The following ANKRD13A variants were observed in gnomAD, a reference collection of about 807,000 sequenced individuals.
ANKRD13A encodes ankyrin repeat domain 13A, also known as ankyrin repeat domain-containing protein 13A.
A neutral mutation model predicts 81.3 loss-of-function variants in ANKRD13A; 48 were observed. That is an observed-to-expected ratio of 0.59 (90% CI 0.47 to 0.75). ANKRD13A has a LOEUF of 0.75. Among genes scored for constraint, ANKRD13A ranks in the 30% least tolerant of loss-of-function variants. The pLI is 0.00. For missense variants in ANKRD13A, 612 were observed against 734.0 expected (o/e 0.83, Z 1.92); for synonymous variants, 230 against 270.1 (o/e 0.85, Z 1.45).
rs565125136 is a variant in ANKRD13A at position 110,026,265 on chromosome 12, C to T, written c.883+442C>T. Among the ~76,000 whole-genome samples, 4 of 151,334 alleles carry T rather than the reference C, an allele frequency of 2.6e-5. No individual in the cohort carries two copies. The East Asian group carries it at 8.1e-4, about 31-fold the overall frequency. On this transcript the variant is annotated intron_variant, in intron 8 of 14. Transcript: ENST00000261739. ...CAGGCGTGAGCCACCGTGCCTGGCC[C>T]CTAACTTCTTTTTTATAAAAATTTC...
intron 13 of ANKRD13A, among the ~76,000 whole-genome samples, chr12:110,034,190 T>G (rs116732860): frequency 0.017 from 2,615 of 152,338 alleles, 76 homozygotes; most frequent in African/African-American, 0.059. Context: ...AGGCAGACTT[T>G]CCTTTTCCTC....
chr12:110,026,457 A>G (rs1480008406), intron 8 of ANKRD13A, among the ~76,000 whole-genome samples: 1 of 151,710 alleles, frequency 6.6e-6, no homozygotes, highest in Non-Finnish European at 1.5e-5. Flanking sequence ...CATGGCTGTA[A>G]TCCCAGCTAC....
intron 1 of ANKRD13A, among the ~76,000 whole-genome samples, chr12:110,000,027 C>T (rs1206019658): frequency 6.6e-6 from 1 of 152,168 alleles, no homozygotes; most frequent in Non-Finnish European, 1.5e-5. Context: ...GTTACTTTTC[C>T]ACTGGACAGA....
intron 1 of ANKRD13A, among the ~76,000 whole-genome samples, chr12:110,009,794 G>A (rs2137095768): frequency 6.6e-6 from 1 of 152,308 alleles, no homozygotes; most frequent in South Asian, 2.1e-4. Context: ...ACATCGTAAT[G>A]TATTTGGCTT....
In ANKRD13A at chr12:110,028,522, C is replaced by T. The variant is rs756289642; in HGVS notation, c.956C>T (p.Thr319Met). The T allele has an allele frequency of 1.7e-5, 27 of 1,613,936 alleles. No homozygotes were observed. Among genetic ancestry groups the T allele is most frequent in the Middle Eastern group, 1.6e-4 (1 of 6,078 alleles). The change falls in exon 10 of 15, where the codon ACG becomes ATG. Residue 319 changes from threonine to methionine, a missense_variant. Physicochemically the swap from Thr to Met is moderately conservative, Grantham distance 81. Transcript: ENST00000261739. Reference sequence around the variant, plus strand: ...GTTCTGGCTCAGCAGGACCTCACCACGGAATGTGCTACTGCAAACAACCCC... The same window carrying T: ...GTTCTGGCTCAGCAGGACCTCACCATGGAATGTGCTACTGCAAACAACCCC... ...HQFGAQGDLT[T>M]ECATANNPTA...
At chr12:110,006,447 G>T (rs746017735) in intron 1 of ANKRD13A, among the ~76,000 whole-genome samples, 5 of 152,140 alleles carry the variant, frequency 3.3e-5, no homozygotes, top group Admixed American at 6.5e-5. Context: ...GGCAATTTGT[G>T]TATCTTCCTT....
chr12:110,018,028 TG>T lies in ANKRD13A; in HGVS notation c.401-316del, dbSNP rs2137122924. On this transcript the variant is annotated intron_variant, in intron 4 of 14. Transcript: ENST00000261739. This position sits in a 1 kb window ranked among gnomAD's most constrained non-coding sequence, Gnocchi z 4.4. ...ACAGCCATATGGCAAGAGTTGCATA[TG>T]TGAGTGAGGAAGGCCAGATGTACAG... Among the ~76,000 whole-genome samples the T allele has an allele frequency of 6.6e-6, 1 of 152,206 alleles. No individual in the cohort carries two copies. Among genetic ancestry groups the T allele is most frequent in the African/African-American group, 2.4e-5 (1 of 41,540 alleles).
intron 6 of ANKRD13A, 29 bp from the exon 7 acceptor site, chr12:110,024,017 A>G (rs1323852297): frequency 6.2e-7 from 1 of 1,604,490 alleles, no homozygotes; most frequent in South Asian, 1.1e-5. Flanking sequence ...TTGTACATGT[A>G]GAAATTTGTG....
intron 11 of ANKRD13A, among the ~76,000 whole-genome samples, chr12:110,030,025 T>TA (rs1444806246): frequency 6.6e-6 from 1 of 152,210 alleles, no homozygotes; most frequent in Non-Finnish European, 1.5e-5. Context: ...CGTCCCAAGC[T>TA]AGTATGCATA....
At position 110,034,083 on chromosome 12, in the gene ANKRD13A, A is replaced by G; in HGVS notation, c.1509+126A>G. 3.8e-6 allele frequency: 4 copies of G among 1,044,918 alleles called. No homozygotes were observed. In the South Asian group the frequency reaches 8.3e-5, roughly 22 times the overall value. 64.7% of individuals were successfully genotyped at this position (1,044,918 alleles called of 1,614,324 possible). ...AGTTTGACACATTCATGGTATTTGC[A>G]TAGGTTATACTTTGTGCATCTGGTC... On this transcript the variant is annotated intron_variant, in intron 13 of 14. Coordinates refer to ENST00000261739, the MANE Select transcript of ANKRD13A (RefSeq NM_033121.2).
At chr12:110,029,276 G>T in intron 10 of ANKRD13A, 1 of 469,790 alleles carries the variant, frequency 2.1e-6, no homozygotes, top group Non-Finnish European at 3.8e-6. Context: ...TGTCATGCAG[G>T]TCGCTTGCCT....
In ANKRD13A at chr12:110,027,864, A is replaced by AG. The variant is rs770081408; in HGVS notation, c.945+98_945+99insG. On this transcript the variant is annotated intron_variant, in intron 9 of 14. Coordinates refer to ENST00000261739, the MANE Select transcript of ANKRD13A (RefSeq NM_033121.2). ...TACTGGATCCTGAACAGCCCACTCT[A>AG]TGTAAAGGCCAAAGATACCCCCAAG... The AG allele has an allele frequency of 4.6e-5, 54 of 1,184,450 alleles. 1 individual carries two copies. Among genetic ancestry groups the AG allele is most frequent in the East Asian group, 3.0e-4 (13 of 42,646 alleles). The allele number at this position is 1,184,450 out of a possible 1,614,324, so 73.4% of individuals were successfully genotyped here. A position where few individuals can be genotyped will look rare whatever the true frequency, so the allele number is the denominator to read the frequency against.
At chr12:110,022,715 A>C (rs973328420) in intron 6 of ANKRD13A, among the ~76,000 whole-genome samples, 1 of 152,166 alleles carries the variant, frequency 6.6e-6, no homozygotes, top group Non-Finnish European at 1.5e-5. Flanking sequence ...GAAAAAGGCT[A>C]TCTCGATTTT....
chr12:110,014,228 C>T (rs544675044), intron 3 of ANKRD13A, among the ~76,000 whole-genome samples: 51 of 152,034 alleles, frequency 3.4e-4, no homozygotes, highest in Non-Finnish European at 7.1e-4. Flanking sequence ...CTGACTAACA[C>T]GGTGAAACCC....
At position 110,018,284 on chromosome 12, in the gene ANKRD13A, C is replaced by T; in HGVS notation, c.401-61C>T. On this transcript the variant is annotated intron_variant, in intron 4 of 14. Coordinates refer to ENST00000261739, the MANE Select transcript of ANKRD13A (RefSeq NM_033121.2). This position sits in a 1 kb window ranked among gnomAD's most constrained non-coding sequence, Gnocchi z 4.4. ...TTTATTAAATCAGAATCCTGATTTCCTGGCCTAGGTATTCTTCTTGGCCCT... is the reference window on the plus strand; with the variant it reads ...TTTATTAAATCAGAATCCTGATTTCTTGGCCTAGGTATTCTTCTTGGCCCT... The T allele has an allele frequency of 6.6e-7, 1 of 1,525,992 alleles. No individual in the cohort carries two copies. Among genetic ancestry groups the T allele is most frequent in the Non-Finnish European group, 8.9e-7 (1 of 1,122,388 alleles). 94.5% of individuals were successfully genotyped at this position (1,525,992 alleles called of 1,614,324 possible).
intron 1 of ANKRD13A, among the ~76,000 whole-genome samples, chr12:110,006,256 AT>A (rs935121963): frequency 3.3e-5 from 5 of 152,204 alleles, no homozygotes; most frequent in African/African-American, 1.2e-4. Flanking sequence ...TGGCTGCACT[AT>A]TTTACATTTC....
At chr12:110,013,278 A>T (rs1380880459) in intron 3 of ANKRD13A, 29 bp downstream of exon 3, 1 of 1,612,964 alleles carries the variant, frequency 6.2e-7, no homozygotes, top group South Asian at 1.1e-5. Flanking sequence ...CCAGGCCATA[A>T]TCTGAGCTAA....
chr12:110,030,156 A>G (rs1175094629), intron 11 of ANKRD13A, among the ~76,000 whole-genome samples: 3 of 151,922 alleles, frequency 2.0e-5, no homozygotes, highest in Admixed American at 1.3e-4. Flanking sequence ...AGGAGAAAAT[A>G]CATAACTCAT....
At chr12:110,026,920 C>T (rs947603766) in intron 8 of ANKRD13A, 1 of 152,140 alleles carries the variant, frequency 6.6e-6, no homozygotes, top group Admixed American at 6.5e-5. Flanking sequence ...CTTAGTCTGA[C>T]TCATTCTTGG....
Sources: gnomAD v4.1 joint callset for allele counts (sites outside exome capture counted in the v4.1 genomes callset) on GRCh38, gnomAD v4.1.1 for gene constraint, Gnocchi (gnomAD v3.1) non-coding constraint, MANE v1.5 for transcripts, NCBI Gene and HGNC (gene_info 2026-07-23, HGNC 2026-07-21) for gene names.